ZNF189: variants seen among roughly 807,000 people sequenced by gnomAD.
ZNF189 encodes zinc finger protein 189.
ZNF189 carries 33 observed loss-of-function variants against 53.5 expected under a neutral mutation model. The ratio of observed to expected loss-of-function variants is 0.62; its 90% confidence interval spans 0.47 to 0.82. The LOEUF is 0.82. Among genes scored for constraint, ZNF189 ranks in the 40% least tolerant of loss-of-function variants. ZNF189 has a pLI of 0.00. For missense variants in ZNF189, 711 were observed against 753.9 expected (o/e 0.94, Z 0.67); for synonymous variants, 247 against 238.8 (o/e 1.03, Z -0.32).
At chr9:101,402,715 G>T (rs1268519354) in intron 2 of ZNF189, among the ~76,000 whole-genome samples, 1 of 152,136 alleles carries the variant, frequency 6.6e-6, no homozygotes, top group African/African-American at 2.4e-5. Flanking sequence ...CTGTGAGGAT[G>T]GTAGATATAC....
At chr9:101,405,274 A>G (rs914334881) in intron 2 of ZNF189, among the ~76,000 whole-genome samples, 5 of 152,324 alleles carry the variant, frequency 3.3e-5, no homozygotes, top group East Asian at 1.9e-4. Flanking sequence ...TCAGTAAGGC[A>G]TATATAATGT....
Position 101,408,144 on chromosome 9 carries a change from G to A in ZNF189, c.376G>A (p.Glu126Lys), listed in dbSNP as rs1406843288. 3 of 1,613,910 alleles carry A rather than the reference G, an allele frequency of 1.9e-6. No homozygotes were observed. Among genetic ancestry groups the A allele is most frequent in the Middle Eastern group, 1.6e-4 (1 of 6,084 alleles). ...WEIPRESLTQ[E>K]QRMFRENTNI... ...AATACCAAGGGAATCTTTGACCCAG[G>A]AACAGAGAATGTTCAGAGAAAACAC... Residue 126 changes from glutamate (E) to lysine (K), a missense_variant, in exon 3 of 3, where the codon GAA (glutamate) becomes AAA (lysine). Glu to Lys is a moderately conservative substitution (Grantham distance 56). Coordinates refer to ENST00000339664, the MANE Select transcript of ZNF189 (RefSeq NM_003452.4).
At chr9:101,399,338 G>T in intron 1 of ZNF189, 149 bp downstream of exon 1, 1 of 1,398,920 alleles carries the variant, frequency 7.1e-7, no homozygotes, top group Non-Finnish European at 9.3e-7. Context: ...TAGTGCATTG[G>T]GGTGCGGTTC....
Position 101,399,122 on chromosome 9 carries a change from GC to G in ZNF189, c.-30del. ...ACCAGAGGCTCCTTTCCGTGAGGCC[GC>G]CCCCAATTCCTGCCCCTATTCTCTG... On this transcript the variant is annotated 5_prime_UTR_variant, in exon 1 of 3. Coordinates refer to ENST00000339664, the MANE Select transcript of ZNF189 (RefSeq NM_003452.4). 1.3e-6 allele frequency: 2 copies of G among 1,530,208 alleles called. No individual in the cohort carries two copies. Among genetic ancestry groups the G allele is most frequent in the Non-Finnish European group, 1.8e-6 (2 of 1,105,418 alleles). 94.8% of individuals were successfully genotyped at this position (1,530,208 alleles called of 1,614,324 possible).
At chr9:101,403,551 TA>T (rs1393326067) in intron 2 of ZNF189, among the ~76,000 whole-genome samples, 1 of 152,190 alleles carries the variant, frequency 6.6e-6, no homozygotes, top group East Asian at 1.9e-4. Flanking sequence ...AGCTTATTTT[TA>T]AAAAAACTTT....
Position 101,409,092 on chromosome 9 carries a change from A to G in ZNF189, c.1324A>G (p.Ser442Gly), listed in dbSNP as rs760643805. The G allele has an allele frequency of 1.2e-6, 2 of 1,613,868 alleles. No individual in the cohort carries two copies. The highest frequency in any genetic ancestry group is 4.5e-5 in the East Asian group (2 of 44,864). ...TAAGGAAAGTTTTGATCCAAATTGC[A>G]GTCTTGTTATACAGCAGGAAGTCTA... is the stretch of plus-strand genomic sequence containing the variant. ...ETKESFDPNC[S>G]LVIQQEVYPK... Residue 442 changes from serine to glycine, a missense_variant, in exon 3 of 3, where the codon AGT becomes GGT. By Grantham distance (56) the Ser-to-Gly change is moderately conservative. Transcript: ENST00000339664.
rs745895168 is a variant in ZNF189, at chr9:101,399,170, G to GC, written c.20dup (p.Pro8AlafsTer10). ...TCTGCCTGGGAGATGGCTTCCCCGA[G>GC]CCCCCCGCCGGAGTCGAAGGTAAGT... On this transcript the variant is annotated frameshift_variant, in exon 1 of 3. Transcript: ENST00000339664. LOFTEE classifies it high-confidence loss of function. 11 of 1,592,298 alleles carry GC rather than the reference G, an allele frequency of 6.9e-6. No homozygotes were observed. The highest frequency in any genetic ancestry group is 9.5e-6 in the Non-Finnish European group (11 of 1,162,692).
At position 101,408,281 on chromosome 9, in the gene ZNF189, T is replaced by C; in HGVS notation, c.513T>C (p.Thr171=). The change falls in exon 3 of 3, where the codon ACT becomes ACC. Residue 171 remains threonine, a synonymous_variant. Transcript: ENST00000339664. The stretch of plus-strand genomic sequence containing the variant: ...TCATTCAACATCAAAGGGTCCATAC[T>C]GGTGAGAAACCTTTTCAGTGCAATG... ...AHFIQHQRVH[T]GEKPFQCNEC... is the part of the protein sequence containing the mutation. The C allele has an allele frequency of 5.0e-6, 8 of 1,614,164 alleles. No homozygotes were observed. The highest frequency in any genetic ancestry group is 6.8e-6 in the Non-Finnish European group (8 of 1,180,010).
In ZNF189 at chr9:101,407,927, A is replaced by G. The variant is rs773976611; in HGVS notation, c.161-2A>G. On this transcript the variant is annotated splice_acceptor_variant, in intron 2 of 2. Transcript: ENST00000339664. LOFTEE classifies it high-confidence loss of function. ...CTTTGTATTTCCTTTTTATTATTCC[A>G]GATGTTTTGAACAGAGATAAGGATG... 3.3e-6 allele frequency: 5 copies of G among 1,531,612 alleles called. No individual in the cohort carries two copies. Among genetic ancestry groups the G allele is most frequent in the African/African-American group, 1.4e-5 (1 of 71,480 alleles). The allele number at this position is 1,531,612 out of a possible 1,614,324, so 94.9% of individuals were successfully genotyped here. A position where few individuals can be genotyped will look rare whatever the true frequency, so the allele number is the denominator to read the frequency against.
chr9:101,404,933 GACT>G (rs1830658098), intron 2 of ZNF189, among the ~76,000 whole-genome samples: 2 of 152,202 alleles, frequency 1.3e-5, no homozygotes, highest in Admixed American at 6.5e-5. Context: ...CTGTCTAGTG[GACT>G]TAGTAAAGGC....
rs777020223 is a variant in ZNF189, at chr9:101,409,594, A to G, written c.1826A>G (p.Asn609Ser). 6.2e-7 allele frequency: 1 copy of G among 1,613,502 alleles called. No individual in the cohort carries two copies. ...HECDACGEAFNCRISLIQHQK... is the reference protein window; with the variant it reads ...HECDACGEAFSCRISLIQHQK... ...TGTGACGCTTGTGGTGAAGCCTTTA[A>G]TTGCCGTATTTCTCTTATTCAGCAT... The change falls in exon 3 of 3, where the codon AAT becomes AGT. Residue 609 changes from asparagine to serine, a missense_variant. By Grantham distance (46) the Asn-to-Ser change is conservative. Coordinates refer to ENST00000339664, the MANE Select transcript of ZNF189 (RefSeq NM_003452.4).
At chr9:101,404,791 G>C (rs1204151369) in intron 2 of ZNF189, among the ~76,000 whole-genome samples, 1 of 152,186 alleles carries the variant, frequency 6.6e-6, no homozygotes, top group Non-Finnish European at 1.5e-5. Flanking sequence ...ATTCTGAAGA[G>C]ACTGCCTTCT....
At chr9:101,407,799 C>A in intron 2 of ZNF189, 130 bp from the exon 3 acceptor site, 2 of 909,890 alleles carry the variant, frequency 2.2e-6, no homozygotes, top group Non-Finnish European at 3.2e-6. Context: ...TTTCATCCTA[C>A]CCTGTTTTCC....
chr9:101,410,079 A>G lies in ZNF189; in HGVS notation c.*430A>G, dbSNP rs16920338. ...TCTGCATGCCAAAGTCCAGTGATTA[A>G]GCATATATAAGTTGTCAAGGAAACA... On this transcript the variant is annotated 3_prime_UTR_variant, in exon 3 of 3. Coordinates refer to ENST00000339664, the MANE Select transcript of ZNF189 (RefSeq NM_003452.4). 2,693 of 155,734 alleles carry G rather than the reference A, an allele frequency of 0.017. 96 individuals carry two copies. The highest frequency in any genetic ancestry group is 0.062 in the African/African-American group (2,567 of 41,592). The allele number at this position is 155,734 out of a possible 1,614,324, so 9.6% of individuals were successfully genotyped here.
Position 101,409,007 on chromosome 9 carries a change from A to G in ZNF189, c.1239A>G (p.Ser413=). The G allele has an allele frequency of 1.9e-6, 3 of 1,614,052 alleles. No homozygotes were observed. The highest frequency in any genetic ancestry group is 2.5e-6 in the Non-Finnish European group (3 of 1,179,964). The part of the protein sequence containing the change: ...EECGKAFSRS[S]GLIQHQRIHT... The stretch of plus-strand genomic sequence containing the variant: ...GTGGAAAAGCCTTTAGTAGAAGCTC[A>G]GGTCTTATTCAGCATCAGAGAATTC... Residue 413 remains serine, a synonymous_variant, in exon 3 of 3, where the codon TCA becomes TCG. Transcript: ENST00000339664.
chr9:101,409,969 G>A lies in ZNF189; in HGVS notation c.*320G>A. The A allele has an allele frequency of 4.5e-6, 1 of 220,082 alleles. No individual in the cohort carries two copies. The highest frequency in any genetic ancestry group is 8.9e-6 in the Non-Finnish European group (1 of 112,024). 13.6% of individuals were successfully genotyped at this position (220,082 alleles called of 1,614,324 possible). ...TTAGTATAAGGGAGCTGGAGCAGCT[G>A]ATAGTGGAAAACAGAATAATGATTC... is the stretch of plus-strand genomic sequence containing the variant. On this transcript the variant is annotated 3_prime_UTR_variant, in exon 3 of 3. Transcript: ENST00000339664.
At chr9:101,399,384 T>C (rs1489835116) in intron 1 of ZNF189, 195 bp downstream of exon 1, 6 of 1,376,362 alleles carry the variant, frequency 4.4e-6, no homozygotes, top group Admixed American at 3.5e-5. Flanking sequence ...TTTTTTTTTT[T>C]CTTTTTCTAG....
At position 101,409,046 on chromosome 9, in the gene ZNF189, G is replaced by A. The variant is rs1380852789; in HGVS notation, c.1278G>A (p.Lys426=). ...ATCAGAGAATTCACACCAGGGAGAA[G>A]ACTTATCCATACAATGAAACTAAGG... ...IQHQRIHTRE[K]TYPYNETKES... is the part of the protein sequence containing the mutation. The change falls in exon 3 of 3, where the codon AAG becomes AAA. Residue 426 remains lysine (K), a synonymous_variant. Coordinates refer to ENST00000339664, the MANE Select transcript of ZNF189 (RefSeq NM_003452.4). 6.2e-7 allele frequency: 1 copy of A among 1,613,682 alleles called. No homozygotes were observed. The highest frequency in any genetic ancestry group is 8.5e-7 in the Non-Finnish European group (1 of 1,179,950).
Position 101,409,916 on chromosome 9 carries a change from C to T in ZNF189, c.*267C>T, listed in dbSNP as rs1297661436. On this transcript the variant is annotated 3_prime_UTR_variant, in exon 3 of 3. Coordinates refer to ENST00000339664, the MANE Select transcript of ZNF189 (RefSeq NM_003452.4). ...AGAGAGATTAAACCTAGGTTCAGAG[C>T]ATGGGTGCTCTGAGGGACAAAGTTG... 5.6e-6 allele frequency: 2 copies of T among 358,796 alleles called. No homozygotes were observed. Among genetic ancestry groups the T allele is most frequent in the Non-Finnish European group, 1.0e-5 (2 of 198,690 alleles). The allele number at this position is 358,796 out of a possible 1,614,324, so 22.2% of individuals were successfully genotyped here. A position where few individuals can be genotyped will look rare whatever the true frequency, so the allele number is the denominator to read the frequency against.
Sources: allele counts gnomAD v4.1 joint callset (sites outside exome capture counted in the v4.1 genomes callset), GRCh38; gene constraint gnomAD v4.1.1; transcripts MANE v1.5; gene names NCBI Gene and HGNC (gene_info 2026-07-23, HGNC 2026-07-21).